The following DYSF variants were observed in gnomAD, a reference collection of about 807,000 sequenced individuals.
DYSF encodes dysferlin, also known as dystrophy-associated fer-1-like 1.
A neutral mutation model predicts 274.9 loss-of-function variants in DYSF; 212 were observed. That is an observed-to-expected ratio of 0.77 (90% CI 0.69 to 0.86). The LOEUF is 0.86. Among genes scored for constraint, DYSF ranks in the 40% least tolerant of loss-of-function variants. DYSF has a pLI of 0.00. For synonymous variants in DYSF, 1,091 were observed against 1,078.7 expected, an observed-to-expected ratio of 1.01 and a Z score of -0.22; for missense variants, 2,666 against 2,783.2, an observed-to-expected ratio of 0.96 and a Z score of 0.95.
chr2:71,560,861 G>A (rs2091702366), intron 22 of DYSF, among the ~76,000 whole-genome samples: 2 of 152,110 alleles, frequency 1.3e-5, no homozygotes, highest in African/African-American at 4.8e-5. Context: ...TCAAGGGGGT[G>A]AGGTGGGGGC....
chr2:71,506,521 G>A (rs1409815473), intron 4 of DYSF, among the ~76,000 whole-genome samples: 1 of 152,150 alleles, frequency 6.6e-6, no homozygotes, highest in South Asian at 2.1e-4. Context: ...GCTGTCAGGC[G>A]CGGGACCCGT....
At chr2:71,613,537 G>A (rs1431172994) in intron 40 of DYSF, 127 bp downstream of exon 40, 9 of 880,238 alleles carry the variant, frequency 1.0e-5, no homozygotes, top group South Asian at 1.4e-5. Context: ...TGGGCTCTGC[G>A]GTTGGACACT....
At chr2:71,612,096 G>A (rs1397629464) in intron 38 of DYSF, among the ~76,000 whole-genome samples, 2 of 152,224 alleles carry the variant, frequency 1.3e-5, no homozygotes, top group Non-Finnish European at 2.9e-5. Context: ...AGTAAGGCAG[G>A]TCTGAGGAAA....
At chr2:71,501,494 C>T (rs1314274821) in intron 3 of DYSF, among the ~76,000 whole-genome samples, 1 of 152,164 alleles carries the variant, frequency 6.6e-6, no homozygotes, top group Non-Finnish European at 1.5e-5. Context: ...TTCATGATGT[C>T]ATGCAGTCAT....
rs754039882 is a variant in DYSF, at chr2:71,656,291, G to A, written c.4755+1G>A. 3 of 1,613,876 alleles carry A rather than the reference G, an allele frequency of 1.9e-6. No homozygotes were observed. The highest frequency in any genetic ancestry group is 2.5e-6 in the Non-Finnish European group (3 of 1,180,006). Reference sequence around the variant, plus strand: ...TCCATCTGTGATTGGTGAATTTAAGGTAAATCCTCGAAGACGTCCCTAACC... The same window carrying A: ...TCCATCTGTGATTGGTGAATTTAAGATAAATCCTCGAAGACGTCCCTAACC... On this transcript the variant is annotated splice_donor_variant, in intron 43 of 55. Transcript: ENST00000410020. LOFTEE classifies it high-confidence loss of function.
intron 52 of DYSF, 84 bp downstream of exon 52, chr2:71,674,380 T>C (rs1188040985): frequency 3.7e-6 from 5 of 1,362,728 alleles, no homozygotes; most frequent in Admixed American, 3.5e-5. Context: ...TGTTGGACCC[T>C]TGGGGAAGCC....
intron 2 of DYSF, among the ~76,000 whole-genome samples, chr2:71,481,259 C>A (rs2082866797): frequency 6.6e-6 from 1 of 152,224 alleles, no homozygotes; most frequent in Admixed American, 6.5e-5. Flanking sequence ...TTTTTCCTTG[C>A]TCAAAGCTCA....
intron 32 of DYSF, among the ~76,000 whole-genome samples, chr2:71,592,923 G>A (rs1035143712): frequency 6.6e-6 from 1 of 152,216 alleles, no homozygotes; most frequent in Admixed American, 6.5e-5. Context: ...GAACTTGGGA[G>A]AGGGAGGCTG....
At chr2:71,624,075 C>A (rs955075290) in intron 41 of DYSF, among the ~76,000 whole-genome samples, 1 of 152,098 alleles carries the variant, frequency 6.6e-6, no homozygotes, top group Non-Finnish European at 1.5e-5. Context: ...TTGCAACAAA[C>A]AACCTCACCA....
At chr2:71,571,601 G>C (rs1468420681) in intron 29 of DYSF, among the ~76,000 whole-genome samples, 2 of 86,830 alleles carry the variant, frequency 2.3e-5, no homozygotes, top group Middle Eastern at 0.013. Context: ...AGCACACACA[G>C]CTCACACCCA....
At chr2:71,641,814 A>C (rs2094490454) in intron 41 of DYSF, among the ~76,000 whole-genome samples, 1 of 152,072 alleles carries the variant, frequency 6.6e-6, no homozygotes, top group Non-Finnish European at 1.5e-5. Flanking sequence ...TTTTATTTAA[A>C]ATTTCTCATT....
chr2:71,656,167 T>C lies in DYSF; in HGVS notation c.4632T>C (p.Tyr1544=). The change falls in exon 43 of 56, where the codon TAT becomes TAC. Residue 1544 remains tyrosine (Y), a synonymous_variant. Coordinates refer to ENST00000410020, the MANE Select transcript of DYSF (RefSeq NM_001130987.2). ...CTAATCCCCATGTGTGGCAGGTCTA[T>C]GACACACAGCTGGAGAATGTGGAGG... ...LEKDFDTLKV[Y]DTQLENVEAF... The C allele has an allele frequency of 6.2e-7, 1 of 1,614,180 alleles. No individual in the cohort carries two copies. Among genetic ancestry groups the C allele is most frequent in the Non-Finnish European group, 8.5e-7 (1 of 1,180,028 alleles).
intron 16 of DYSF, 64 bp from the exon 17 acceptor site, chr2:71,539,093 C>T (rs2089667837): frequency 2.0e-6 from 3 of 1,465,832 alleles, no homozygotes; most frequent in South Asian, 1.1e-5. Flanking sequence ...CGCATACTTC[C>T]TGGGTGGGCT....
rs759960173 is a variant in DYSF at position 71,669,175 on chromosome 2, G to A, written c.5610G>A (p.Thr1870=). The A allele has an allele frequency of 1.6e-5, 26 of 1,610,392 alleles. No homozygotes were observed. Among genetic ancestry groups the A allele is most frequent in the East Asian group, 2.2e-5 (1 of 44,806 alleles). Residue 1870 remains threonine (T), a synonymous_variant, in exon 50 of 56, where the codon ACG becomes ACA. Coordinates refer to ENST00000410020, the MANE Select transcript of DYSF (RefSeq NM_001130987.2). ...TGATCCTGGATGACCTGAGCCTCAC[G>A]GGGGAGAAGATGAGCGACATTTATG... ...RDVILDDLSL[T]GEKMSDIYVK...
chr2:71,480,971 G>C, intron 2 of DYSF, 33 bp downstream of exon 2: 2 of 1,603,368 alleles, frequency 1.2e-6, no homozygotes, highest in Non-Finnish European at 8.5e-7. Context: ...TTTTCTCTCT[G>C]TCTGCTGCAG....
chr2:71,529,869 C>T (rs929016980), intron 14 of DYSF, among the ~76,000 whole-genome samples: 4 of 152,174 alleles, frequency 2.6e-5, no homozygotes, highest in South Asian at 2.1e-4. Flanking sequence ...CCCTCCGCTT[C>T]GTTGAGTATT....
At chr2:71,501,319 C>T (rs565440538) in intron 3 of DYSF, among the ~76,000 whole-genome samples, 2 of 152,238 alleles carry the variant, frequency 1.3e-5, no homozygotes, top group South Asian at 4.2e-4. Flanking sequence ...ACGAGCAAGG[C>T]GGCAGAGTCT....
intron 3 of DYSF, among the ~76,000 whole-genome samples, chr2:71,500,143 T>C (rs1161267843): frequency 1.3e-5 from 2 of 152,116 alleles, no homozygotes; most frequent in Admixed American, 1.3e-4. Flanking sequence ...CCACATCTCC[T>C]CCATCCCTGT....
chr2:71,658,771 G>A, intron 43 of DYSF, 107 bp from the exon 44 acceptor site: 1 of 1,417,958 alleles, frequency 7.1e-7, no homozygotes, highest in South Asian at 1.2e-5. Context: ...CCCACAACAT[G>A]TGGGAATTCT....
Sources: gnomAD v4.1 joint callset for allele counts (sites outside exome capture counted in the v4.1 genomes callset) on GRCh38, gnomAD v4.1.1 for gene constraint, MANE v1.5 for transcripts, NCBI Gene and HGNC (gene_info 2026-07-23, HGNC 2026-07-21) for gene names.